The following DSE variants were observed in gnomAD, a reference collection of about 807,000 sequenced individuals.
DSE encodes dermatan sulfate epimerase, also known as dermatan-sulfate epimerase.
In DSE, 36 loss-of-function variants were observed where a neutral mutation model predicts 84.4. That is an observed-to-expected ratio of 0.43 (90% CI 0.33 to 0.56). The LOEUF (loss-of-function observed/expected upper bound fraction) is 0.56. DSE is among the 20% of genes least tolerant of loss of function. The pLI, the probability that DSE is intolerant of heterozygous loss-of-function variation, is 0.06. For synonymous variants in DSE, 410 were observed against 430.1 expected (o/e 0.95, Z 0.58); for missense variants, 862 against 1,169.6 (o/e 0.74, Z 3.84).
intron 2 of DSE, among the ~76,000 whole-genome samples, chr6:116,275,055 A>T (rs185177520): frequency 5.4e-4 from 83 of 152,374 alleles, no homozygotes; most frequent in African/African-American, 2.0e-3. Context: ...AATATGAAAA[A>T]AATTGAGATA....
At chr6:116,337,172 C>T (rs1254012820) in intron 2 of DSE, among the ~76,000 whole-genome samples, 1 of 152,048 alleles carries the variant, frequency 6.6e-6, no homozygotes, top group Non-Finnish European at 1.5e-5. Flanking sequence ...TGGTAGAGCT[C>T]GTATATAGAG....
At chr6:116,418,179 A>G (rs572897290) in intron 2 of DSE, among the ~76,000 whole-genome samples, 23 of 152,152 alleles carry the variant, frequency 1.5e-4, no homozygotes, top group Non-Finnish European at 3.2e-4. Context: ...ACAGGAACAA[A>G]CAAAATTTTT....
chr6:116,437,984 T>C lies in DSE; in HGVS notation c.*639T>C, dbSNP rs531564787. 2.6e-5 allele frequency: 4 copies of C among 152,734 alleles called. No individual in the cohort carries two copies. Among genetic ancestry groups the C allele is most frequent in the East Asian group, 1.9e-4 (1 of 5,196 alleles). The allele number at this position is 152,734 out of a possible 1,614,324, so 9.5% of individuals were successfully genotyped here. A position where few individuals can be genotyped will look rare whatever the true frequency, so the allele number is the denominator to read the frequency against. On this transcript the variant is annotated 3_prime_UTR_variant, in exon 6 of 6. Coordinates refer to ENST00000644252, the MANE Select transcript of DSE (RefSeq NM_013352.4). Reference sequence around the variant, plus strand: ...TATTTTATTAGAAAACATTTATCTATGAATGAATATTTCCTTGATGCTGGT... The same window carrying C: ...TATTTTATTAGAAAACATTTATCTACGAATGAATATTTCCTTGATGCTGGT...
At chr6:116,413,512 TAA>T (rs1016914127) in intron 2 of DSE, among the ~76,000 whole-genome samples, 7 of 152,298 alleles carry the variant, frequency 4.6e-5, no homozygotes, top group African/African-American at 1.7e-4. Flanking sequence ...TTTATTTCAT[TAA>T]GAAACAGTAC....
intron 3 of DSE, among the ~76,000 whole-genome samples, chr6:116,429,040 C>T (rs568205913): frequency 2.6e-5 from 4 of 152,074 alleles, no homozygotes; most frequent in Non-Finnish European, 4.4e-5. Context: ...AATGTGGTAT[C>T]CTGGGAACAG....
intron 3 of DSE, among the ~76,000 whole-genome samples, chr6:116,428,724 A>T (rs1200288120): frequency 6.6e-6 from 1 of 152,250 alleles, no homozygotes; most frequent in Non-Finnish European, 1.5e-5. Flanking sequence ...GAAATAAAAG[A>T]TACCATGAAA....
intron 2 of DSE, among the ~76,000 whole-genome samples, chr6:116,275,053 A>C (rs919372011): frequency 2.0e-5 from 3 of 152,244 alleles, no homozygotes; most frequent in Non-Finnish European, 4.4e-5. Context: ...TCAATATGAA[A>C]AAAATTGAGA....
intron 2 of DSE, among the ~76,000 whole-genome samples, chr6:116,341,646 A>T (rs1174765507): frequency 6.6e-6 from 1 of 152,200 alleles, no homozygotes; most frequent in Non-Finnish European, 1.5e-5. Flanking sequence ...TAAGTCTTTA[A>T]TCCATCTTGA....
rs915802072 is a variant in DSE, at chr6:116,441,473, G to A, written c.*4128G>A. 6.6e-6 allele frequency: 1 copy of A among 151,994 alleles called. No individual in the cohort carries two copies. Among genetic ancestry groups the A allele is most frequent in the African/African-American group, 2.4e-5 (1 of 41,362 alleles). The allele number at this position is 151,994 out of a possible 1,614,324, so 9.4% of individuals were successfully genotyped here. A position where few individuals can be genotyped will look rare whatever the true frequency, so the allele number is the denominator to read the frequency against. ...AAGTAACCAATTTCTAATTCTTTTG[G>A]CTGTTACATATATTGTGTACTTGTT... is the stretch of plus-strand genomic sequence containing the variant. On this transcript the variant is annotated 3_prime_UTR_variant, in exon 6 of 6. Transcript: ENST00000644252.
chr6:116,370,910 TC>T (rs1779501125), upstream of DSE: 2 of 985,364 alleles, frequency 2.0e-6, no homozygotes, highest in African/African-American at 3.5e-5. Flanking sequence ...TCCGCCCCTT[TC>T]GCCCACACCT....
At chr6:116,347,590 T>C (rs1320299650) in intron 2 of DSE, among the ~76,000 whole-genome samples, 1 of 152,196 alleles carries the variant, frequency 6.6e-6, no homozygotes, top group African/African-American at 2.4e-5. Context: ...TGGCTAGCCA[T>C]ATGTAGAAAG....
intron 1 of DSE, among the ~76,000 whole-genome samples, chr6:116,387,443 G>C (rs1054436352): frequency 6.6e-6 from 1 of 152,198 alleles, no homozygotes; most frequent in South Asian, 2.1e-4. Context: ...AGTTTTAGGT[G>C]TATAAATGAG....
intron 2 of DSE, among the ~76,000 whole-genome samples, chr6:116,289,900 G>C (rs1016404840): frequency 6.6e-6 from 1 of 151,798 alleles, no homozygotes; most frequent in East Asian, 1.9e-4. Context: ...AAATGTGACA[G>C]GTTGATTTGA....
At chr6:116,362,986 G>A (rs1242091270) in intron 2 of DSE, among the ~76,000 whole-genome samples, 1 of 152,036 alleles carries the variant, frequency 6.6e-6, no homozygotes, top group African/African-American at 2.4e-5. Context: ...AAATGTACAG[G>A]GGAAGTAAAA....
At chr6:116,388,885 G>A (rs1415100148) in intron 1 of DSE, among the ~76,000 whole-genome samples, 1 of 152,104 alleles carries the variant, frequency 6.6e-6, no homozygotes, top group Non-Finnish European at 1.5e-5. Flanking sequence ...TTAGCTGAAA[G>A]TTATAAATGT....
intron 1 of DSE, among the ~76,000 whole-genome samples, chr6:116,258,051 C>T (rs1441782552): frequency 6.6e-6 from 1 of 152,188 alleles, no homozygotes; most frequent in Non-Finnish European, 1.5e-5. Context: ...GAGTCTCGCT[C>T]TGTCACAGCC....
In DSE at chr6:116,444,151, G is replaced by A. The variant is rs1453586307; in HGVS notation, c.*6806G>A. On this transcript the variant is annotated 3_prime_UTR_variant, in exon 6 of 6. Coordinates refer to ENST00000644252, the MANE Select transcript of DSE (RefSeq NM_013352.4). The stretch of plus-strand genomic sequence containing the variant: ...GAGCACTCTATATATTCAAACCTCC[G>A]TATTTTTTGATACAAAAAGGACTGA... 6.6e-6 allele frequency: 1 copy of A among 152,100 alleles called. No individual in the cohort carries two copies. Among genetic ancestry groups the A allele is most frequent in the Non-Finnish European group, 1.5e-5 (1 of 68,020 alleles). The allele number at this position is 152,100 out of a possible 1,614,324, so 9.4% of individuals were successfully genotyped here.
chr6:116,290,962 G>C (rs1774242392), intron 2 of DSE, among the ~76,000 whole-genome samples: 2 of 152,152 alleles, frequency 1.3e-5, no homozygotes, highest in African/African-American at 4.8e-5. Flanking sequence ...CCACCACTGT[G>C]CTCTGCAATG....
chr6:116,423,104 C>T (rs1437363832), intron 2 of DSE: 3 of 152,164 alleles, frequency 2.0e-5, no homozygotes, highest in Admixed American at 2.0e-4. Flanking sequence ...CTTTTCCCCC[C>T]AGTAGAGTTA....
Sources: gnomAD v4.1 joint callset for allele counts (sites outside exome capture counted in the v4.1 genomes callset) on GRCh38, gnomAD v4.1.1 for gene constraint, MANE v1.5 for transcripts, NCBI Gene and HGNC (gene_info 2026-07-23, HGNC 2026-07-21) for gene names.